Variants in CACNA1H observed in about 807,000 individuals in gnomAD.
CACNA1H encodes voltage-dependent T-type calcium channel subunit alpha-1H.
CACNA1H carries 149 observed loss-of-function variants against 192.5 expected under a neutral mutation model. That is an observed-to-expected ratio of 0.77 (90% CI 0.68 to 0.89). The LOEUF (loss-of-function observed/expected upper bound fraction) is 0.89. Ranked by LOEUF, CACNA1H falls within the 40% of genes least tolerant of loss-of-function variation. CACNA1H has a pLI of 0.00. For synonymous variants in CACNA1H, 2,202 were observed against 1,475.2 expected (o/e 1.49, Z -11.29); for missense variants, 4,257 against 3,423.5 (o/e 1.24, Z -6.08).
intron 2 of CACNA1H, among the ~76,000 whole-genome samples, chr16:1,193,131 G>T (rs1966762867): frequency 6.6e-6 from 1 of 152,138 alleles, no homozygotes; most frequent in Non-Finnish European, 1.5e-5. Flanking sequence ...GTCCTGTTTG[G>T]GCCGGGTGTC....
At position 1,194,037 on chromosome 16, in the gene CACNA1H, G is replaced by A. The variant is rs187004935; in HGVS notation, c.300-935G>A. On this transcript the variant is annotated intron_variant, in intron 2 of 34. Coordinates refer to ENST00000348261, the MANE Select transcript of CACNA1H (RefSeq NM_021098.3). The stretch of plus-strand genomic sequence containing the variant: ...GGGGGCGCTGCTGCCACCATCATCC[G>A]GGTCCCAAGCAGGCCTGCCAGGGGT... Among the ~76,000 whole-genome samples the A allele has an allele frequency of 9.3e-4, 141 of 152,170 alleles. 3 individuals carry two copies. The East Asian group carries it at 0.025, about 27-fold the overall frequency.
At chr16:1,207,559 A>T (rs1968888383) in intron 14 of CACNA1H, 129 bp downstream of exon 14, 1 of 1,126,956 alleles carries the variant, frequency 8.9e-7, no homozygotes, top group Non-Finnish European at 1.3e-6. Context: ...GGCTGCCATG[A>T]GGAGAGGGGA....
In CACNA1H at chr16:1,153,923, G is replaced by C. The variant is rs1305985915; in HGVS notation, c.186G>C (p.Leu62=). The change falls in exon 2 of 35, where the codon CTG becomes CTC. Residue 62 remains leucine (L), a synonymous_variant. Transcript: ENST00000348261. ...CGGCGGCCGAGCGCGGCGCGGAGCT[G>C]GGTGCCGACGAGGAGCAGCGCGTCC... ...ESPAAERGAE[L]GADEEQRVPY... is the part of the protein sequence containing the mutation. 3.4e-6 allele frequency: 5 copies of C among 1,456,966 alleles called. No homozygotes were observed. Among genetic ancestry groups the C allele is most frequent in the Admixed American group, 2.4e-5 (1 of 41,924 alleles). The allele number at this position is 1,456,966 out of a possible 1,614,324, so 90.3% of individuals were successfully genotyped here. A position where few individuals can be genotyped will look rare whatever the true frequency, so the allele number is the denominator to read the frequency against.
chr16:1,206,655 G>GGCT (rs1407802378), intron 12 of CACNA1H: 1 of 420,072 alleles, frequency 2.4e-6, no homozygotes, highest in African/African-American at 2.0e-5. Flanking sequence ...GTCGGCTGGA[G>GGCT]GCTAGGCAGC....
chr16:1,154,020 C>G lies in CACNA1H; in HGVS notation c.283C>G (p.Arg95Gly). Residue 95 changes from arginine (R) to glycine (G), a missense_variant, in exon 2 of 35, where the codon CGG becomes GGG. Coordinates refer to ENST00000348261, the MANE Select transcript of CACNA1H (RefSeq NM_021098.3). ...QTTRPRSWCL[R>G]LVCNPWFEHV... ...CACGCGGCCGCGCAGCTGGTGCCTC[C>G]GGCTGGTCTGCAACCCATATCCTTC... is the stretch of plus-strand genomic sequence containing the variant. 4.6e-6 allele frequency: 6 copies of G among 1,294,406 alleles called. No homozygotes were observed. The highest frequency in any genetic ancestry group is 1.6e-5 in the African/African-American group (1 of 61,038). The allele number at this position is 1,294,406 out of a possible 1,614,324, so 80.2% of individuals were successfully genotyped here.
At chr16:1,184,098 A>G (rs995940740) in intron 2 of CACNA1H, among the ~76,000 whole-genome samples, 3 of 152,180 alleles carry the variant, frequency 2.0e-5, no homozygotes, top group African/African-American at 7.2e-5. Flanking sequence ...ACACCAGCCC[A>G]TTGCACAGGG....
intron 31 of CACNA1H, 98 bp from the exon 32 acceptor site, chr16:1,217,821 G>T (rs1970155604): frequency 2.1e-6 from 3 of 1,433,072 alleles, no homozygotes; most frequent in Non-Finnish European, 2.8e-6. Context: ...GGGCTATCCT[G>T]CCTCTGGGCT....
Position 1,210,031 on chromosome 16 carries a change from A to C in CACNA1H, c.3745-4A>C. 1 of 1,548,390 alleles carries C rather than the reference A, an allele frequency of 6.5e-7. No homozygotes were observed. The highest frequency in any genetic ancestry group is 8.7e-7 in the Non-Finnish European group (1 of 1,146,654). On this transcript the variant is annotated splice_region_variant and splice_polypyrimidine_tract_variant and intron_variant, in intron 17 of 34. Coordinates refer to ENST00000348261, the MANE Select transcript of CACNA1H (RefSeq NM_021098.3). ...CTCTGAGAAGCCGCCGCCTCATCCCACAGAGCTGCTGCCTCCGCCTGCATA... is the reference window on the plus strand; with the variant it reads ...CTCTGAGAAGCCGCCGCCTCATCCCCCAGAGCTGCTGCCTCCGCCTGCATA...
chr16:1,213,814 G>A lies in CACNA1H; in HGVS notation c.4812G>A (p.Ser1604=), dbSNP rs377611664. ...GCCGGCCCTACTATGCCGACTACTC[G>A]CCCACGCGCCGCTCCATTCACTCGC... ...AQRRPYYADY[S]PTRRSIHSLC... The change falls in exon 27 of 35, where the codon TCG becomes TCA. Residue 1604 remains serine, a synonymous_variant. Transcript: ENST00000348261. 4.1e-5 allele frequency: 65 copies of A among 1,580,160 alleles called. 2 individuals are homozygous for A. The highest frequency in any genetic ancestry group is 2.6e-4 in the African/African-American group (19 of 74,416).
chr16:1,201,052 C>A (rs183849936), intron 8 of CACNA1H, among the ~76,000 whole-genome samples: 1 of 152,054 alleles, frequency 6.6e-6, no homozygotes, highest in South Asian at 2.1e-4. Context: ...CCAGGAACAC[C>A]CTGGGGAGTG....
rs1320328822 is a variant in CACNA1H, at chr16:1,195,068, C to T, written c.396C>T (p.Arg132=). Residue 132 remains arginine (R), a synonymous_variant, in exon 3 of 35, where the codon CGC becomes CGT. Coordinates refer to ENST00000348261, the MANE Select transcript of CACNA1H (RefSeq NM_021098.3). ...AGGACGTTGAGTGCGGCTCCGAGCG[C>T]TGCAACATCCTGGAGGTGAGGGGCG... ...PCEDVECGSE[R]CNILEAFDAF... 3 of 1,602,604 alleles carry T rather than the reference C, an allele frequency of 1.9e-6. No individual in the cohort carries two copies. Among genetic ancestry groups the T allele is most frequent in the South Asian group, 1.1e-5 (1 of 90,838 alleles).
Position 1,207,860 on chromosome 16 carries a change from G to C in CACNA1H, c.3154G>C (p.Glu1052Gln), listed in dbSNP as rs759989625. 3.2e-6 allele frequency: 5 copies of C among 1,585,478 alleles called. No individual in the cohort carries two copies. The South Asian group carries it at 4.6e-5, about 15-fold the overall frequency. The change falls in exon 15 of 35, where the codon GAG becomes CAG. Residue 1052 changes from glutamate (E) to glutamine (Q), a missense_variant and splice_region_variant. Glu to Gln is a conservative substitution (Grantham distance 29). Transcript: ENST00000348261. The stretch of plus-strand genomic sequence containing the variant: ...CAAGCTCAGAGAACTCCAGACCACA[G>C]GTGCGTGTGGTCGGTGGGTGGTCCG... ...FHKLRELQTT[E>Q]LKMCSLAVTP...
At position 1,204,474 on chromosome 16, in the gene CACNA1H, GC is replaced by G. The variant is rs746787882; in HGVS notation, c.2451+18del. On this transcript the variant is annotated intron_variant, in intron 10 of 34. Transcript: ENST00000348261. Reference sequence around the variant, plus strand: ...CCATGAGCAGGTGCGGGCTGGCCTGGCCACGGGGTGGGCTCCCTGTCAGGCT... The same window carrying G: ...CCATGAGCAGGTGCGGGCTGGCCTGGCACGGGGTGGGCTCCCTGTCAGGCT... 6.6e-7 allele frequency: 1 copy of G among 1,514,894 alleles called. No individual in the cohort carries two copies. Among genetic ancestry groups the G allele is most frequent in the Non-Finnish European group, 8.8e-7 (1 of 1,131,348 alleles). The allele number at this position is 1,514,894 out of a possible 1,614,324, so 93.8% of individuals were successfully genotyped here. A position where few individuals can be genotyped will look rare whatever the true frequency, so the allele number is the denominator to read the frequency against.
chr16:1,168,740 T>C (rs1964058192), intron 2 of CACNA1H, among the ~76,000 whole-genome samples: 1 of 152,126 alleles, frequency 6.6e-6, no homozygotes. Context: ...TGCCCCACTC[T>C]GGGTGCCTTG....
At chr16:1,186,126 G>T (rs201159068) in intron 2 of CACNA1H, among the ~76,000 whole-genome samples, 1 of 145,970 alleles carries the variant, frequency 6.9e-6, no homozygotes, top group African/African-American at 2.6e-5. Flanking sequence ...GCCGGAGGCG[G>T]GGTGTGTACG....
Position 1,198,619 on chromosome 16 carries a change from G to A in CACNA1H, c.648G>A (p.Met216Ile). The A allele has an allele frequency of 6.2e-7, 1 of 1,612,812 alleles. No individual in the cohort carries two copies. The highest frequency in any genetic ancestry group is 8.5e-7 in the Non-Finnish European group (1 of 1,179,616). Residue 216 changes from methionine to isoleucine, a missense_variant, in exon 6 of 35, where the codon ATG (methionine) becomes ATA (isoleucine). Transcript: ENST00000348261. ...PLRAINRVPS[M>I]RILVTLLLDT... The stretch of plus-strand genomic sequence containing the variant: ...TCCTGGCCCTGCTGCCCACAGGCAT[G>A]CGGATCCTGGTCACTCTGCTGCTGG...
At chr16:1,158,392 G>A (rs929563397) in intron 2 of CACNA1H, among the ~76,000 whole-genome samples, 6 of 151,780 alleles carry the variant, frequency 4.0e-5, no homozygotes, top group South Asian at 2.1e-4. Context: ...TCCGCCGAGC[G>A]CCTGGGGGCA....
Position 1,221,653 on chromosome 16 carries a change from T to A in CACNA1H, c.*659T>A. On this transcript the variant is annotated 3_prime_UTR_variant, in exon 35 of 35. Transcript: ENST00000348261. ...GCCGCGAGATTCCCATTGACACCTT[T>A]GTTTCGTGTGCTTTTAAATTCAGGT... The A allele has an allele frequency of 1.0e-6, 1 of 991,548 alleles. No individual in the cohort carries two copies. The highest frequency in any genetic ancestry group is 1.4e-6 in the Non-Finnish European group (1 of 689,706). The allele number at this position is 991,548 out of a possible 1,614,324, so 61.4% of individuals were successfully genotyped here.
chr16:1,158,171 G>A (rs1484143434), intron 2 of CACNA1H, among the ~76,000 whole-genome samples: 1 of 152,212 alleles, frequency 6.6e-6, no homozygotes, highest in African/African-American at 2.4e-5. Flanking sequence ...TGCCTCCTGG[G>A]CTAGTACAGG....
Sources: gnomAD v4.1 joint callset for allele counts (sites outside exome capture counted in the v4.1 genomes callset) on GRCh38, gnomAD v4.1.1 for gene constraint, MANE v1.5 for transcripts, NCBI Gene and HGNC (gene_info 2026-07-23, HGNC 2026-07-21) for gene names.